Variants in CNTN5 observed in about 807,000 individuals in gnomAD.
CNTN5 encodes the protein contactin 5.
Under a neutral mutation model 129.1 loss-of-function variants are expected in CNTN5, and 77 were observed. The ratio of observed to expected loss-of-function variants is 0.60; its 90% CI spans 0.50 to 0.72. The LOEUF is 0.72. Ranked by LOEUF, CNTN5 falls within the 30% of genes least tolerant of loss-of-function variation. The pLI, the probability that CNTN5 is intolerant of heterozygous loss-of-function variation, is 0.00. For missense variants in CNTN5, 1,478 were observed against 1,328.8 expected (o/e 1.11, Z -1.75); for synonymous variants, 509 against 465.6 (o/e 1.09, Z -1.20).
At chr11:100,160,845 C>T (rs931380609) in intron 13 of CNTN5, among the ~76,000 whole-genome samples, 2 of 151,834 alleles carry the variant, frequency 1.3e-5, no homozygotes, top group Non-Finnish European at 2.9e-5. Context: ...GTGCCACTAA[C>T]GAGCAACGTT....
At chr11:99,366,096 T>G (rs77955346) in intron 2 of CNTN5, among the ~76,000 whole-genome samples, 9,371 of 152,266 alleles carry the variant, frequency 0.062, 303 homozygotes, top group South Asian at 0.1. Flanking sequence ...TAAAACCCTT[T>G]GGAACCTGGC....
chr11:100,280,306 C>A (rs747868478), intron 18 of CNTN5, among the ~76,000 whole-genome samples: 1 of 151,792 alleles, frequency 6.6e-6, no homozygotes, highest in Non-Finnish European at 1.5e-5. Context: ...TGCAGTGAGG[C>A]GTATCTCTCT....
At chr11:99,775,438 A>G (rs1477001568) in intron 3 of CNTN5, among the ~76,000 whole-genome samples, 1 of 152,086 alleles carries the variant, frequency 6.6e-6, no homozygotes, top group Non-Finnish European at 1.5e-5. Context: ...ATGAAGGTTA[A>G]TATCTAATCC....
At chr11:100,190,727 C>CTT (rs1555034946) in intron 13 of CNTN5, among the ~76,000 whole-genome samples, 2 of 132,296 alleles carry the variant, frequency 1.5e-5, no homozygotes, top group African/African-American at 2.9e-5. Context: ...TGTTTTTATG[C>CTT]TGTTTTTTTT....
At chr11:99,282,915 A>G (rs565183516) in intron 1 of CNTN5, among the ~76,000 whole-genome samples, 28 of 152,086 alleles carry the variant, frequency 1.8e-4, no homozygotes, top group Non-Finnish European at 3.5e-4. Flanking sequence ...CTTGGGCATG[A>G]CATCCCCAAT....
chr11:99,152,490 G>T (rs1860114623), intron 1 of CNTN5, among the ~76,000 whole-genome samples: 1 of 152,098 alleles, frequency 6.6e-6, no homozygotes, highest in African/African-American at 2.4e-5. Context: ...TTTTCCATTT[G>T]CTTGACAGAT....
intron 2 of CNTN5, among the ~76,000 whole-genome samples, chr11:99,414,464 C>T (rs2036544): frequency 0.71 from 107,568 of 151,126 alleles, 38,600 homozygotes; most frequent in East Asian, 0.86. Context: ...TGTATGTATG[C>T]AGAATATATA....
intron 1 of CNTN5, among the ~76,000 whole-genome samples, chr11:99,065,433 A>G (rs1865061306): frequency 6.6e-6 from 1 of 152,162 alleles, no homozygotes; most frequent in Non-Finnish European, 1.5e-5. Context: ...TTGAGATTAG[A>G]AACAAATAGC....
At chr11:99,479,363 A>G (rs560960857) in intron 2 of CNTN5, among the ~76,000 whole-genome samples, 3 of 152,102 alleles carry the variant, frequency 2.0e-5, no homozygotes, top group Admixed American at 1.3e-4. Flanking sequence ...TATATGCAGC[A>G]TAAAAGTCAT....
chr11:99,277,202 T>C (rs893197990), intron 1 of CNTN5, among the ~76,000 whole-genome samples: 1 of 151,718 alleles, frequency 6.6e-6, no homozygotes, highest in African/African-American at 2.4e-5. Context: ...GTTTCATTTT[T>C]TAAAATTTTA....
intron 12 of CNTN5, 76 bp downstream of exon 12, chr11:100,071,910 A>AG: frequency 7.8e-7 from 1 of 1,285,646 alleles, no homozygotes. Context: ...ACTATACTGA[A>AG]GGTTTATGAT....
intron 2 of CNTN5, among the ~76,000 whole-genome samples, chr11:99,329,732 G>A (rs1273791495): frequency 6.6e-6 from 1 of 152,098 alleles, no homozygotes; most frequent in East Asian, 1.9e-4. Flanking sequence ...TTTGAAATAA[G>A]TTAAAACTAG....
intron 3 of CNTN5, among the ~76,000 whole-genome samples, chr11:99,733,046 C>G (rs747952820): frequency 2.6e-5 from 4 of 152,084 alleles, no homozygotes; most frequent in Non-Finnish European, 5.9e-5. Context: ...AAGTCCTTGG[C>G]CGGGCGCGGT....
intron 2 of CNTN5, among the ~76,000 whole-genome samples, chr11:99,529,441 T>G (rs1025629567): frequency 6.6e-6 from 1 of 152,230 alleles, no homozygotes; most frequent in African/African-American, 2.4e-5. Context: ...ACAGTTACAC[T>G]TAACATGAAA....
chr11:99,694,154 A>T (rs1362464665), intron 3 of CNTN5, among the ~76,000 whole-genome samples: 1 of 152,146 alleles, frequency 6.6e-6, no homozygotes, highest in East Asian at 1.9e-4. Flanking sequence ...CATGAAATAT[A>T]TCACAATACG....
chr11:99,710,847 A>C (rs1343566131), intron 3 of CNTN5, among the ~76,000 whole-genome samples: 1 of 152,038 alleles, frequency 6.6e-6, no homozygotes, highest in Non-Finnish European at 1.5e-5. Context: ...CTTTAGAAGT[A>C]AATTTTATGT....
At chr11:99,239,959 T>C (rs1435358251) in intron 1 of CNTN5, among the ~76,000 whole-genome samples, 4 of 147,808 alleles carry the variant, frequency 2.7e-5, no homozygotes, top group Admixed American at 6.7e-5. Context: ...AAAAAAAATT[T>C]AAAAAGCGAG....
intron 2 of CNTN5, among the ~76,000 whole-genome samples, chr11:99,457,655 GTTT>G (rs1944545640): frequency 6.6e-6 from 1 of 151,612 alleles, no homozygotes; most frequent in African/African-American, 2.4e-5. Flanking sequence ...ATTGAAATAT[GTTT>G]TTAATTATCA....
At chr11:99,629,951 A>G (rs1396312249) in intron 3 of CNTN5, among the ~76,000 whole-genome samples, 1 of 151,970 alleles carries the variant, frequency 6.6e-6, no homozygotes, top group Non-Finnish European at 1.5e-5. Flanking sequence ...AAATAAAAAC[A>G]TTCCAATAGA....
Sources: gnomAD v4.1 joint callset for allele counts (sites outside exome capture counted in the v4.1 genomes callset) on GRCh38, gnomAD v4.1.1 for gene constraint, MANE v1.5 for transcripts, NCBI Gene and HGNC (gene_info 2026-07-23, HGNC 2026-07-21) for gene names.